Variants in LCLAT1 observed in about 807,000 individuals in gnomAD.
The protein encoded by LCLAT1 is 1-AGP acyltransferase 8.
LCLAT1 carries 11 observed loss-of-function variants against 30.7 expected under a neutral mutation model. The observed-to-expected ratio is 0.36, with a 90% confidence interval of 0.23 to 0.59. The LOEUF (loss-of-function observed/expected upper bound fraction) is 0.59, where lower values mean the gene tolerates loss of function less well. Among genes scored for constraint, LCLAT1 ranks in the 20% least tolerant of loss-of-function variants. The probability of loss-of-function intolerance (pLI) is 0.77; values close to 1 mark genes in which losing one functional copy is unlikely to be tolerated. For synonymous variants in LCLAT1, 155 were observed against 151.3 expected (o/e 1.02, Z -0.18); for missense variants, 402 against 458.6 (o/e 0.88, Z 1.13).
intron 5 of LCLAT1, chr2:30,606,684 A>C (rs1261477941): frequency 6.6e-6 from 1 of 151,068 alleles, no homozygotes; most frequent in East Asian, 1.9e-4. Context: ...ATGGGCAAAG[A>C]TTTCATGATG....
chr2:30,601,901 A>T (rs889787999), intron 5 of LCLAT1, among the ~76,000 whole-genome samples: 2 of 115,472 alleles, frequency 1.7e-5, no homozygotes, highest in African/African-American at 2.9e-5. Context: ...CTATAGATAT[A>T]TATATAATGT....
chr2:30,512,714 T>C (rs2148360844), intron 1 of LCLAT1, among the ~76,000 whole-genome samples: 1 of 152,366 alleles, frequency 6.6e-6, no homozygotes, highest in South Asian at 2.1e-4. Context: ...CAATCGGTTT[T>C]ATTTACTGAA....
At position 30,638,952 on chromosome 2, in the gene LCLAT1, A is replaced by G. The variant is rs1005538256; in HGVS notation, c.629-1165A>G. 2.6e-5 allele frequency among the ~76,000 whole-genome samples: 4 copies of G among 151,798 alleles called. No individual in the cohort carries two copies. The East Asian group carries it at 7.7e-4, about 29-fold the overall frequency. On this transcript the variant is annotated intron_variant, in intron 5 of 5. Coordinates refer to ENST00000379509, the MANE Select transcript of LCLAT1 (RefSeq NM_001002257.3). ...GCTGTATTGTAGTAGCCATCAAACT[A>G]TTCTACCTCTTTTGCCCTTGGTCCT...
chr2:30,528,953 A>G (rs1383220071), intron 2 of LCLAT1, among the ~76,000 whole-genome samples: 2 of 152,164 alleles, frequency 1.3e-5, no homozygotes, highest in East Asian at 1.9e-4. Flanking sequence ...ACAGAGAAGA[A>G]CCATCAAGGG....
intron 1 of LCLAT1, among the ~76,000 whole-genome samples, chr2:30,479,834 AC>A (rs1216511903): frequency 6.6e-6 from 1 of 152,206 alleles, no homozygotes; most frequent in African/African-American, 2.4e-5. Flanking sequence ...AGTAAAAGAA[AC>A]AAAAGATTGA....
rs184920742 is a variant in LCLAT1, at chr2:30,471,228, A to C, written c.-5+23845A>C. On this transcript the variant is annotated intron_variant, in intron 1 of 5. Coordinates refer to ENST00000379509, the MANE Select transcript of LCLAT1 (RefSeq NM_001002257.3). ...CACCCGGCCTATTTATTTATTTTCTAAGATAGAGTCTCACAATGTTGCCCA... is the reference window on the plus strand; with the variant it reads ...CACCCGGCCTATTTATTTATTTTCTCAGATAGAGTCTCACAATGTTGCCCA... 4.5e-5 allele frequency among the ~76,000 whole-genome samples: 6 copies of C among 132,494 alleles called. No individual in the cohort carries two copies. The East Asian group carries it at 1.4e-3, about 30-fold the overall frequency. 86.9% of individuals were successfully genotyped at this position (132,494 alleles called of 152,430 possible). A position where few individuals can be genotyped will look rare whatever the true frequency, so the allele number is the denominator to read the frequency against.
intron 5 of LCLAT1, among the ~76,000 whole-genome samples, chr2:30,615,894 C>T (rs1039733863): frequency 6.6e-6 from 1 of 152,180 alleles, no homozygotes; most frequent in Non-Finnish European, 1.5e-5. Context: ...AGACTTATGA[C>T]ATCTATTCAC....
At chr2:30,579,884 T>G (rs755550381) in intron 5 of LCLAT1, among the ~76,000 whole-genome samples, 6 of 152,090 alleles carry the variant, frequency 3.9e-5, no homozygotes, top group Non-Finnish European at 5.9e-5. Flanking sequence ...TCCTAAGCAG[T>G]TTACTACTTG....
chr2:30,503,950 C>G (rs1005662905), intron 1 of LCLAT1, among the ~76,000 whole-genome samples: 1 of 152,142 alleles, frequency 6.6e-6, no homozygotes, highest in Non-Finnish European at 1.5e-5. Flanking sequence ...TCTAAGATCC[C>G]CTTCTAATGG....
intron 5 of LCLAT1, among the ~76,000 whole-genome samples, chr2:30,572,802 CT>C (rs1420219219): frequency 6.7e-6 from 1 of 149,846 alleles, no homozygotes; most frequent in African/African-American, 2.4e-5. Flanking sequence ...AAAGGATTTT[CT>C]TTTTGTAAGC....
intron 5 of LCLAT1, among the ~76,000 whole-genome samples, chr2:30,612,275 T>G (rs1667774794): frequency 6.6e-6 from 1 of 152,174 alleles, no homozygotes; most frequent in African/African-American, 2.4e-5. Flanking sequence ...ACTGTATGTT[T>G]AACATCGTCA....
chr2:30,632,395 T>G (rs965289443), intron 5 of LCLAT1, among the ~76,000 whole-genome samples: 2 of 152,148 alleles, frequency 1.3e-5, no homozygotes, highest in Non-Finnish European at 2.9e-5. Context: ...TTAGTAGGGA[T>G]GGAGAGGAAT....
intron 5 of LCLAT1, among the ~76,000 whole-genome samples, chr2:30,605,558 T>C (rs1270943780): frequency 1.3e-5 from 2 of 152,226 alleles, no homozygotes; most frequent in Non-Finnish European, 2.9e-5. Flanking sequence ...CATTTAGATA[T>C]GTAAGGCAAT....
At chr2:30,584,316 C>T (rs1430982037) in intron 5 of LCLAT1, among the ~76,000 whole-genome samples, 2 of 152,122 alleles carry the variant, frequency 1.3e-5, no homozygotes, top group South Asian at 2.1e-4. Flanking sequence ...CCTTTTTTTA[C>T]CCGCACTCAA....
At chr2:30,532,109 A>T (rs1038568853) in intron 2 of LCLAT1, among the ~76,000 whole-genome samples, 4 of 152,102 alleles carry the variant, frequency 2.6e-5, no homozygotes, top group African/African-American at 9.7e-5. Context: ...AGTCTTATAT[A>T]TTGACATTTA....
intron 5 of LCLAT1, among the ~76,000 whole-genome samples, chr2:30,621,273 G>C (rs1439562195): frequency 4.6e-5 from 7 of 152,262 alleles, no homozygotes; most frequent in African/African-American, 1.7e-4. Context: ...GCTGTGGAGT[G>C]AACGTTTGTG....
chr2:30,556,357 A>G (rs1664918457), intron 3 of LCLAT1, among the ~76,000 whole-genome samples: 1 of 152,138 alleles, frequency 6.6e-6, no homozygotes, highest in Non-Finnish European at 1.5e-5. Flanking sequence ...GATTTGGTCC[A>G]TGGGCCATAG....
At chr2:30,597,762 G>A (rs1666992447) in intron 5 of LCLAT1, among the ~76,000 whole-genome samples, 2 of 152,128 alleles carry the variant, frequency 1.3e-5, no homozygotes, top group Non-Finnish European at 2.9e-5. Context: ...CCCATTCAGT[G>A]TAATCCTGGC....
At chr2:30,536,178 T>C (rs1030591874) in intron 3 of LCLAT1, among the ~76,000 whole-genome samples, 1 of 152,160 alleles carries the variant, frequency 6.6e-6, no homozygotes, top group African/African-American at 2.4e-5. Flanking sequence ...TTTTGCATTA[T>C]GGGAGTTGGA....
Sources: allele counts gnomAD v4.1 joint callset (sites outside exome capture counted in the v4.1 genomes callset), GRCh38; gene constraint gnomAD v4.1.1; transcripts MANE v1.5; gene names NCBI Gene and HGNC (gene_info 2026-07-23, HGNC 2026-07-21).